The following GRM8 variants were observed in gnomAD, a reference collection of about 807,000 sequenced individuals.
GRM8 encodes glutamate metabotropic receptor 8.
In GRM8, 47 loss-of-function variants were observed where a neutral mutation model predicts 87.2. The ratio of observed to expected loss-of-function variants is 0.54; its 90% CI spans 0.43 to 0.69. GRM8 has a LOEUF of 0.69. Among genes scored for constraint, GRM8 ranks in the 30% least tolerant of loss-of-function variants. The probability of loss-of-function intolerance (pLI) is 0.00; values close to 1 mark genes in which losing one functional copy is unlikely to be tolerated. For synonymous variants in GRM8, 396 were observed against 404.5 expected (o/e 0.98, Z 0.25); for missense variants, 1,019 against 1,139.2 (o/e 0.89, Z 1.52).
chr7:126,616,012 G>A (rs1391754793), intron 7 of GRM8, among the ~76,000 whole-genome samples: 1 of 152,110 alleles, frequency 6.6e-6, no homozygotes, highest in Non-Finnish European at 1.5e-5. Context: ...ACTCAGCTCT[G>A]CACAAAGCAG....
At chr7:127,233,981 A>G (rs1797842871) in intron 2 of GRM8, among the ~76,000 whole-genome samples, 2 of 152,180 alleles carry the variant, frequency 1.3e-5, no homozygotes, top group African/African-American at 4.8e-5. Flanking sequence ...AAAGCCCCCA[A>G]TTACAGCTAA....
intron 2 of GRM8, among the ~76,000 whole-genome samples, chr7:127,221,735 A>G (rs1796947280): frequency 6.6e-6 from 1 of 152,186 alleles, no homozygotes; most frequent in African/African-American, 2.4e-5. Context: ...ATTCCAAGCA[A>G]GTATACTGGT....
At chr7:126,759,346 A>C (rs1817348350) in intron 7 of GRM8, among the ~76,000 whole-genome samples, 2 of 152,194 alleles carry the variant, frequency 1.3e-5, no homozygotes, top group Non-Finnish European at 2.9e-5. Flanking sequence ...CTAAGAAAAT[A>C]ATTATCCCTA....
intron 3 of GRM8, among the ~76,000 whole-genome samples, chr7:126,982,259 A>G (rs1811616282): frequency 6.6e-6 from 1 of 151,756 alleles, no homozygotes; most frequent in Admixed American, 6.6e-5. Flanking sequence ...GATGGTGCCT[A>G]TCCAGATTAG....
At chr7:126,595,960 A>G (rs1797147809) in intron 8 of GRM8, among the ~76,000 whole-genome samples, 1 of 152,156 alleles carries the variant, frequency 6.6e-6, no homozygotes, top group Admixed American at 6.5e-5. Context: ...AATATGGTGA[A>G]ACCATGTCTT....
In GRM8 at chr7:126,439,204, A is replaced by T. The variant is rs748960621; in HGVS notation, c.2678-36T>A. 4.3e-5 allele frequency: 45 copies of T among 1,054,182 alleles called. 1 individual carries two copies. In the South Asian group the frequency reaches 5.7e-4, roughly 13 times the overall value. 65.3% of individuals were successfully genotyped at this position (1,054,182 alleles called of 1,614,324 possible). A position where few individuals can be genotyped will look rare whatever the true frequency, so the allele number is the denominator to read the frequency against. On this transcript the variant is annotated intron_variant, in intron 10 of 10. Coordinates refer to ENST00000339582, the MANE Select transcript of GRM8 (RefSeq NM_000845.3). Reference sequence around the variant, plus strand: ...AAATGAGGACAAATTAAAATAGTATATAATAATACATCCTTTTGTTAATAT... The same window carrying T: ...AAATGAGGACAAATTAAAATAGTATTTAATAATACATCCTTTTGTTAATAT...
At chr7:126,821,331 T>C (rs1336621518) in intron 6 of GRM8, among the ~76,000 whole-genome samples, 3 of 152,204 alleles carry the variant, frequency 2.0e-5, no homozygotes, top group Non-Finnish European at 4.4e-5. Context: ...AAAAGACACA[T>C]ACTGCAGTGC....
intron 6 of GRM8, among the ~76,000 whole-genome samples, chr7:126,850,122 C>T (rs1232200884): frequency 1.3e-5 from 2 of 152,140 alleles, no homozygotes; most frequent in African/African-American, 4.8e-5. Context: ...TCATAATTTC[C>T]ACCATCCAGC....
intron 1 of GRM8, among the ~76,000 whole-genome samples, chr7:127,248,632 C>G (rs559503029): frequency 6.6e-6 from 1 of 152,290 alleles, no homozygotes; most frequent in African/African-American, 2.4e-5. Flanking sequence ...TTTGTGAAAT[C>G]CAACAATATA....
chr7:126,997,343 A>G (rs979868313), intron 3 of GRM8, among the ~76,000 whole-genome samples: 5 of 151,752 alleles, frequency 3.3e-5, no homozygotes, highest in Non-Finnish European at 1.5e-5. Context: ...TATCAAAAAA[A>G]GAAAAACTTA....
chr7:127,224,534 C>T (rs1592362), intron 2 of GRM8, among the ~76,000 whole-genome samples: 50,029 of 151,838 alleles, frequency 0.33, 8,532 homozygotes, highest in Middle Eastern at 0.44. Flanking sequence ...AAAATAATGA[C>T]TAAAGGAAGT....
intron 7 of GRM8, among the ~76,000 whole-genome samples, chr7:126,638,861 C>T (rs1203601360): frequency 4.6e-5 from 7 of 152,158 alleles, no homozygotes; most frequent in African/African-American, 1.7e-4. Flanking sequence ...TGTAAGTTGT[C>T]CCATGTATCT....
At position 126,826,335 on chromosome 7, in the gene GRM8, C is replaced by A. The variant is rs189073107; in HGVS notation, c.1157-56270G>T. ...TGGTTGAACTAGTTTACAGTCCCAA[C>A]AACAGTGTAAAAGTTTCCTATTTCT... On this transcript the variant is annotated intron_variant, in intron 6 of 10. Coordinates refer to ENST00000339582, the MANE Select transcript of GRM8 (RefSeq NM_000845.3). Among the ~76,000 whole-genome samples, 21 of 152,314 alleles carry A rather than the reference C, an allele frequency of 1.4e-4. No homozygotes were observed. In the East Asian group the frequency reaches 1.9e-3, roughly 14 times the overall value.
intron 7 of GRM8, among the ~76,000 whole-genome samples, chr7:126,667,579 A>C (rs1029602649): frequency 6.6e-6 from 1 of 152,250 alleles, no homozygotes; most frequent in African/African-American, 2.4e-5. Context: ...GAGAATGAGA[A>C]TCTGACAATG....
intron 9 of GRM8, among the ~76,000 whole-genome samples, chr7:126,480,423 G>C (rs551898453): frequency 1.3e-5 from 2 of 152,064 alleles, no homozygotes; most frequent in East Asian, 3.9e-4. Context: ...ATAAAATGGT[G>C]TTTTGACTAG....
At chr7:126,867,423 T>C (rs112942314) in intron 6 of GRM8, among the ~76,000 whole-genome samples, 73 of 152,344 alleles carry the variant, frequency 4.8e-4, no homozygotes, top group African/African-American at 1.6e-3. Flanking sequence ...GTAGGTTTAT[T>C]TGACATTTAG....
intron 8 of GRM8, among the ~76,000 whole-genome samples, chr7:126,558,954 G>A (rs1358399665): frequency 1.3e-5 from 2 of 152,126 alleles, no homozygotes; most frequent in Non-Finnish European, 2.9e-5. Context: ...GCTAGGTGGA[G>A]CAATAGCAGC....
chr7:126,958,336 C>T (rs1045902394), intron 3 of GRM8, among the ~76,000 whole-genome samples: 2 of 152,154 alleles, frequency 1.3e-5, no homozygotes, highest in Admixed American at 1.3e-4. Flanking sequence ...GGAGCCCAGA[C>T]CTAGGGGCTC....
At chr7:126,952,518 G>A (rs996133155) in intron 3 of GRM8, among the ~76,000 whole-genome samples, 1 of 152,008 alleles carries the variant, frequency 6.6e-6, no homozygotes, top group Non-Finnish European at 1.5e-5. Context: ...TGTCCCCCAA[G>A]ATCTTTCTTA....
Sources: gnomAD v4.1 joint callset for allele counts (sites outside exome capture counted in the v4.1 genomes callset) on GRCh38, gnomAD v4.1.1 for gene constraint, MANE v1.5 for transcripts, NCBI Gene and HGNC (gene_info 2026-07-23, HGNC 2026-07-21) for gene names.